DEPTOR: variants seen among roughly 807,000 people sequenced by gnomAD.
DEPTOR encodes DEP domain containing MTOR interacting protein, also known as DEP domain-containing mTOR-interacting protein.
Under a neutral mutation model 41.6 loss-of-function variants are expected in DEPTOR, and 41 were observed. The ratio of observed to expected loss-of-function variants is 0.98; its 90% CI spans 0.77 to 1.28. DEPTOR has a LOEUF of 1.28. Among genes scored for constraint, DEPTOR ranks in the 50% most tolerant of loss-of-function variants. The pLI is 0.00. For synonymous variants in DEPTOR, 195 were observed against 192.3 expected, an observed-to-expected ratio of 1.01 and a Z score of -0.12; for missense variants, 514 against 527.9, an observed-to-expected ratio of 0.97 and a Z score of 0.26.
intron 4 of DEPTOR, among the ~76,000 whole-genome samples, chr8:119,970,049 C>T (rs201536996): frequency 2.0e-5 from 3 of 152,080 alleles, no homozygotes; most frequent in East Asian, 1.9e-4. Context: ...GTGACTGGTG[C>T]GCTTTACTCA....
intron 4 of DEPTOR, among the ~76,000 whole-genome samples, chr8:119,967,064 TTTTTGTTTTG>T (rs1173247161): frequency 4.6e-5 from 7 of 151,802 alleles, no homozygotes; most frequent in South Asian, 2.1e-4. Flanking sequence ...ATGGGAGTCT[TTTTTGTTTTG>T]TTTTGTTTTG....
intron 1 of DEPTOR, among the ~76,000 whole-genome samples, chr8:119,923,276 C>T (rs918374123): frequency 6.6e-6 from 1 of 151,962 alleles, no homozygotes; most frequent in African/African-American, 2.4e-5. Flanking sequence ...TGAGGTCTCT[C>T]TGTGGTGCCC....
intron 8 of DEPTOR, among the ~76,000 whole-genome samples, chr8:120,040,892 CT>C (rs1813057390): frequency 1.3e-5 from 2 of 152,288 alleles, no homozygotes; most frequent in South Asian, 4.1e-4. Context: ...TACTTAACAT[CT>C]TGTTCTGCTT....
chr8:119,920,475 G>C (rs1476120509), intron 1 of DEPTOR, among the ~76,000 whole-genome samples: 2 of 152,130 alleles, frequency 1.3e-5, no homozygotes, highest in Non-Finnish European at 2.9e-5. Context: ...TCACAGAGGA[G>C]GTGCCCTTGA....
chr8:119,961,203 G>C (rs1024712999), intron 3 of DEPTOR, among the ~76,000 whole-genome samples: 2 of 151,958 alleles, frequency 1.3e-5, no homozygotes, highest in Non-Finnish European at 2.9e-5. Flanking sequence ...GATCACCTGA[G>C]GTTGGGAGTT....
chr8:119,873,816 G>A lies in DEPTOR; in HGVS notation c.-31G>A, dbSNP rs145714473. ...GCACCCAAACCCTCGGCGGACAGCG[G>A]AGCCAGTGGTAGCCGCACGGCCCTA... On this transcript the variant is annotated 5_prime_UTR_variant, in exon 1 of 9. Coordinates refer to ENST00000286234, the MANE Select transcript of DEPTOR (RefSeq NM_022783.4). The A allele has an allele frequency of 2.0e-3, 3,257 of 1,607,314 alleles. 5 individuals carry two copies. Among genetic ancestry groups the A allele is most frequent in the Non-Finnish European group, 2.5e-3 (2,916 of 1,176,856 alleles).
chr8:119,998,374 C>A (rs1159185064), intron 4 of DEPTOR, among the ~76,000 whole-genome samples: 2 of 152,244 alleles, frequency 1.3e-5, no homozygotes, highest in East Asian at 1.9e-4. Context: ...GCATGAGCCA[C>A]CGCACCTGGC....
At chr8:119,998,612 T>A (rs781212415) in intron 4 of DEPTOR, among the ~76,000 whole-genome samples, 1 of 152,152 alleles carries the variant, frequency 6.6e-6, no homozygotes, top group African/African-American at 2.4e-5. Context: ...TGGGGCCTGA[T>A]GTACAACCTG....
chr8:120,014,314 A>G (rs1022357139), intron 8 of DEPTOR, among the ~76,000 whole-genome samples: 2 of 152,052 alleles, frequency 1.3e-5, no homozygotes, highest in Non-Finnish European at 1.5e-5. Flanking sequence ...TTTCCTTTCA[A>G]TGCAAAGGGG....
At chr8:119,932,495 C>G (rs536409207) in intron 3 of DEPTOR, among the ~76,000 whole-genome samples, 4 of 152,334 alleles carry the variant, frequency 2.6e-5, no homozygotes, top group African/African-American at 9.6e-5. Context: ...TCCCTTCCAT[C>G]CTATGGGCCA....
intron 1 of DEPTOR, among the ~76,000 whole-genome samples, chr8:119,921,232 C>T (rs958011036): frequency 6.6e-6 from 1 of 152,182 alleles, no homozygotes; most frequent in Non-Finnish European, 1.5e-5. Context: ...CAGCCTCGGC[C>T]TCCCAAAGTG....
chr8:119,941,925 G>A (rs115060632), intron 3 of DEPTOR, among the ~76,000 whole-genome samples: 1,813 of 152,174 alleles, frequency 0.012, 36 homozygotes, highest in African/African-American at 0.041. Context: ...AAAGATAAAC[G>A]GTATGCAGCT....
In DEPTOR at chr8:119,949,799, C is replaced by T. The variant is rs187775630; in HGVS notation, c.426-15433C>T. ...GGTTCAAGCAATTCTCCTGCCTCAG[C>T]CTCCTGAGTAGCTGGGATTACAGGT... On this transcript the variant is annotated intron_variant, in intron 3 of 8. Coordinates refer to ENST00000286234, the MANE Select transcript of DEPTOR (RefSeq NM_022783.4). 2.0e-5 allele frequency among the ~76,000 whole-genome samples: 3 copies of T among 152,244 alleles called. No homozygotes were observed. The East Asian group carries it at 5.8e-4, about 29-fold the overall frequency.
intron 1 of DEPTOR, among the ~76,000 whole-genome samples, chr8:119,920,481 CT>C (rs1827875899): frequency 6.6e-6 from 1 of 152,074 alleles, no homozygotes; most frequent in Admixed American, 6.6e-5. Context: ...AGGAGGTGCC[CT>C]TGAAAAGCTG....
intron 1 of DEPTOR, among the ~76,000 whole-genome samples, chr8:119,879,359 G>C (rs1279107209): frequency 3.3e-5 from 5 of 152,134 alleles, no homozygotes; most frequent in Non-Finnish European, 5.9e-5. Context: ...GGAGAAATGA[G>C]AAAACATGTC....
At chr8:119,944,014 T>C (rs1003279735) in intron 3 of DEPTOR, among the ~76,000 whole-genome samples, 1 of 151,522 alleles carries the variant, frequency 6.6e-6, no homozygotes, top group African/African-American at 2.4e-5. Context: ...ATTTTTTGTA[T>C]TTTTTTTAGG....
intron 2 of DEPTOR, 65 bp from the exon 3 acceptor site, chr8:119,929,750 G>A (rs1828016060): frequency 1.4e-5 from 22 of 1,546,414 alleles, no homozygotes; most frequent in South Asian, 3.7e-5. Context: ...ATCATACTTC[G>A]CTTGAGTAAT....
At chr8:119,874,077 G>A (rs1827200290) in intron 1 of DEPTOR, 109 bp downstream of exon 1, 1 of 1,553,650 alleles carries the variant, frequency 6.4e-7, no homozygotes, top group Non-Finnish European at 8.7e-7. Flanking sequence ...CTCGCGTGGG[G>A]CGCCGGAACG....
intron 3 of DEPTOR, among the ~76,000 whole-genome samples, chr8:119,937,341 G>A (rs1828127020): frequency 6.6e-6 from 1 of 152,096 alleles, no homozygotes; most frequent in South Asian, 2.1e-4. Context: ...CAGAGTTGCA[G>A]TGACCCATGA....
Sources: allele counts gnomAD v4.1 joint callset (sites outside exome capture counted in the v4.1 genomes callset), GRCh38; gene constraint gnomAD v4.1.1; transcripts MANE v1.5; gene names NCBI Gene and HGNC (gene_info 2026-07-23, HGNC 2026-07-21).